Variants in GFI1 observed in about 807,000 individuals in gnomAD.
GFI1 encodes the protein zinc finger protein Gfi-1.
Under a neutral mutation model 39.2 loss-of-function variants are expected in GFI1, and 15 were observed. The observed-to-expected ratio is 0.38, with a 90% confidence interval of 0.26 to 0.59. The LOEUF (loss-of-function observed/expected upper bound fraction) is 0.59. GFI1 is among the 20% of genes least tolerant of loss of function. The probability of loss-of-function intolerance (pLI) is 0.62; values close to 1 mark genes in which losing one functional copy is unlikely to be tolerated. For missense variants in GFI1, 475 were observed against 574.0 expected (o/e 0.83, Z 1.76); for synonymous variants, 239 against 254.3 (o/e 0.94, Z 0.57).
Position 92,476,179 on chromosome 1 carries a change from G to A in GFI1, c.1119C>T (p.Cys373=), listed in dbSNP as rs780643435. Residue 373 remains cysteine (C), a synonymous_variant, in exon 7 of 7, where the codon TGC becomes TGT. Coordinates refer to ENST00000294702, the MANE Select transcript of GFI1 (RefSeq NM_005263.5). ...TGGAGCTCTGGCTGAATGCCTTGCC[G>A]CACACCTGGCACTTGTGAGGCTTCT... ...TGEKPHKCQV[C]GKAFSQSSNL... is the part of the protein sequence containing the mutation. 11 of 1,613,286 alleles carry A rather than the reference G, an allele frequency of 6.8e-6. No homozygotes were observed. The African/African-American group carries it at 8.0e-5, about 12-fold the overall frequency.
rs1283711931 is a variant in GFI1, at chr1:92,473,596, G to A, written c.*2433C>T. 6.6e-6 allele frequency among the ~76,000 whole-genome samples: 1 copy of A among 152,180 alleles called. No homozygotes were observed. The highest frequency in any genetic ancestry group is 1.5e-5 in the Non-Finnish European group (1 of 68,040). ...TGGAAAGACATGGTGCTGGAAATCA[G>A]GTGAGGACAGCCAAGGACTGAGATT... is the stretch of plus-strand genomic sequence containing the variant. On this transcript the variant is annotated 3_prime_UTR_variant, in exon 7 of 7. Transcript: ENST00000294702.
Position 92,482,953 on chromosome 1 carries a change from G to A in GFI1, c.209C>T (p.Ala70Val). 1 of 1,613,806 alleles carries A rather than the reference G, an allele frequency of 6.2e-7. No individual in the cohort carries two copies. The highest frequency in any genetic ancestry group is 8.5e-7 in the Non-Finnish European group (1 of 1,179,838). ...QLTEAPDRAS[A>V]SPDSCEGSVC... ...GCTGCCTTCGCAGCTGTCTGGGGATGCGGAGGCTCTGTCTGGGGCTTCGGT... is the reference window on the plus strand; with the variant it reads ...GCTGCCTTCGCAGCTGTCTGGGGATACGGAGGCTCTGTCTGGGGCTTCGGT... Residue 70 changes from alanine to valine, a missense_variant, in exon 3 of 7, where the codon GCA (alanine) becomes GTA (valine). Coordinates refer to ENST00000294702, the MANE Select transcript of GFI1 (RefSeq NM_005263.5). This position sits in a 1 kb window ranked among gnomAD's most constrained non-coding sequence, Gnocchi z 4.4.
At chr1:92,483,079 T>C in intron 2 of GFI1, 33 bp from the exon 3 acceptor site, 1 of 1,542,796 alleles carries the variant, frequency 6.5e-7, no homozygotes, top group Non-Finnish European at 8.7e-7. Context: ...GGGCTCAGGC[T>C]GGGACCGGTT....
chr1:92,473,673 G>A lies in GFI1; in HGVS notation c.*2356C>T, dbSNP rs1222398982. ...CAAGCCCCCCTTTCCTGCCAACCTGGAGAGAAAGTCGTGTGGATTCTATTT... is the reference window on the plus strand; with the variant it reads ...CAAGCCCCCCTTTCCTGCCAACCTGAAGAGAAAGTCGTGTGGATTCTATTT... On this transcript the variant is annotated 3_prime_UTR_variant, in exon 7 of 7. Coordinates refer to ENST00000294702, the MANE Select transcript of GFI1 (RefSeq NM_005263.5). Among the ~76,000 whole-genome samples the A allele has an allele frequency of 6.6e-6, 1 of 152,150 alleles. No homozygotes were observed. Among genetic ancestry groups the A allele is most frequent in the Non-Finnish European group, 1.5e-5 (1 of 68,022 alleles).
rs1167283163 is a variant in GFI1, at chr1:92,483,432, C to G, written c.56G>C (p.Arg19Pro). ...GAGGGAATAGTCTGGTCCTGGGGAGCGCGGCTGGTGGTAGCTGTGAGCCTT... is the reference window on the plus strand; with the variant it reads ...GAGGGAATAGTCTGGTCCTGGGGAGGGCGGCTGGTGGTAGCTGTGAGCCTT... ...SKKAHSYHQPRSPGPDYSLRL... is the reference protein window; with the variant it reads ...SKKAHSYHQPPSPGPDYSLRL... Residue 19 changes from arginine to proline, a missense_variant, in exon 2 of 7, where the codon CGC becomes CCC. By Grantham distance (103) the Arg-to-Pro change is moderately radical. This residue lies in a region of GFI1 where 275 missense variants were observed against 275.8 expected (regional missense o/e 1.00). Coordinates refer to ENST00000294702, the MANE Select transcript of GFI1 (RefSeq NM_005263.5). 5 of 1,613,492 alleles carry G rather than the reference C, an allele frequency of 3.1e-6. No homozygotes were observed. The highest frequency in any genetic ancestry group is 1.3e-5 in the African/African-American group (1 of 75,026).
chr1:92,485,248 G>A (rs992518435), intron 1 of GFI1, among the ~76,000 whole-genome samples: 1 of 152,176 alleles, frequency 6.6e-6, no homozygotes, highest in Non-Finnish European at 1.5e-5. Context: ...GAGCTTTGTC[G>A]CTTCCTGCAC....
intron 1 of GFI1, among the ~76,000 whole-genome samples, chr1:92,485,639 C>G (rs563559705): frequency 6.6e-6 from 1 of 152,168 alleles, no homozygotes; most frequent in Non-Finnish European, 1.5e-5. Flanking sequence ...GGAGGTGGGG[C>G]GGCCCCTCCG....
chr1:92,481,315 C>T lies in GFI1; in HGVS notation c.299-227G>A, dbSNP rs890389069. ...AACAGTAAACAGATCATTGAAAAGACCTCGGGAGAGGAGGTCGTAAATTCT... is the reference window on the plus strand; with the variant it reads ...AACAGTAAACAGATCATTGAAAAGATCTCGGGAGAGGAGGTCGTAAATTCT... On this transcript the variant is annotated intron_variant, in intron 3 of 6. Transcript: ENST00000294702. The surrounding 1 kb of genome is among the most constrained non-coding windows in gnomAD (Gnocchi z 4.3). Among the ~76,000 whole-genome samples, 3 of 152,234 alleles carry T rather than the reference C, an allele frequency of 2.0e-5. No individual in the cohort carries two copies. Among genetic ancestry groups the T allele is most frequent in the Non-Finnish European group, 4.4e-5 (3 of 68,036 alleles).
rs1021748699 is a variant in GFI1, at chr1:92,482,802, T to TC, written c.298+61dup. On this transcript the variant is annotated intron_variant, in intron 3 of 6. Transcript: ENST00000294702. This position sits in a 1 kb window ranked among gnomAD's most constrained non-coding sequence, Gnocchi z 4.4. ...TTTCTACGCCCAAGGTCGCGCCAAT[T>TC]CCCCCCCAGCACTGCCGGGTCCCTG... 167 of 1,342,016 alleles carry TC rather than the reference T, an allele frequency of 1.2e-4. No homozygotes were observed. The highest frequency in any genetic ancestry group is 7.3e-4 in the South Asian group (62 of 85,072). 83.1% of individuals were successfully genotyped at this position (1,342,016 alleles called of 1,614,324 possible). A position where few individuals can be genotyped will look rare whatever the true frequency, so the allele number is the denominator to read the frequency against.
rs1009107667 is a variant in GFI1 at position 92,483,521 on chromosome 1, A to C, written c.-34T>G. On this transcript the variant is annotated 5_prime_UTR_variant, in exon 2 of 7. Transcript: ENST00000294702. ...GGCACTTTCCCCACTGCGCCCCAAG[A>C]GTCCCTGGAGCCGCTGTCACCCACG... The C allele has an allele frequency of 1.6e-6, 2 of 1,266,536 alleles. No homozygotes were observed. Among genetic ancestry groups the C allele is most frequent in the Admixed American group, 1.8e-5 (1 of 55,112 alleles). The allele number at this position is 1,266,536 out of a possible 1,614,324, so 78.5% of individuals were successfully genotyped here. A position where few individuals can be genotyped will look rare whatever the true frequency, so the allele number is the denominator to read the frequency against.
intron 1 of GFI1, among the ~76,000 whole-genome samples, chr1:92,485,273 A>G (rs949623570): frequency 5.9e-5 from 9 of 152,172 alleles, no homozygotes; most frequent in African/African-American, 2.2e-4. Flanking sequence ...CGTCCGTACA[A>G]TTAGACGCCA....
chr1:92,483,749 A>G, intron 1 of GFI1, 163 bp from the exon 2 acceptor site: 1 of 508,066 alleles, frequency 2.0e-6, no homozygotes, highest in Admixed American at 3.2e-5. Context: ...TGGCACTTGG[A>G]CAGGTGGCGC....
rs1009107667 is a variant in GFI1 at position 92,483,521 on chromosome 1, A to G, written c.-34T>C. 1 of 1,266,536 alleles carries G rather than the reference A, an allele frequency of 7.9e-7. No homozygotes were observed. The highest frequency in any genetic ancestry group is 1.5e-5 in the African/African-American group (1 of 67,966). 78.5% of individuals were successfully genotyped at this position (1,266,536 alleles called of 1,614,324 possible). A position where few individuals can be genotyped will look rare whatever the true frequency, so the allele number is the denominator to read the frequency against. On this transcript the variant is annotated 5_prime_UTR_variant, in exon 2 of 7. Transcript: ENST00000294702. ...GGCACTTTCCCCACTGCGCCCCAAG[A>G]GTCCCTGGAGCCGCTGTCACCCACG...
chr1:92,485,409 C>A (rs577329173), intron 1 of GFI1, among the ~76,000 whole-genome samples: 38 of 152,282 alleles, frequency 2.5e-4, no homozygotes, highest in African/African-American at 8.9e-4. Context: ...CAGATGGGGG[C>A]GGGGTAACTG....
chr1:92,486,531 C>CT (rs1193231236), intron 1 of GFI1, among the ~76,000 whole-genome samples, 195 bp downstream of exon 1: 1 of 147,270 alleles, frequency 6.8e-6, no homozygotes, highest in African/African-American at 2.5e-5. Flanking sequence ...CCGCCCCCCC[C>CT]ACCCCCGACC....
chr1:92,478,811 C>T, intron 5 of GFI1, 58 bp from the exon 6 acceptor site: 1 of 1,557,640 alleles, frequency 6.4e-7, no homozygotes, highest in Non-Finnish European at 8.8e-7. Context: ...ACTCCTACTG[C>T]AGTCAACTAG....
rs535439911 is a variant in GFI1, at chr1:92,485,243, T to C, written c.-100+1483A>G. 3.9e-5 allele frequency among the ~76,000 whole-genome samples: 6 copies of C among 152,280 alleles called. No homozygotes were observed. In the South Asian group the frequency reaches 1.0e-3, roughly 26 times the overall value. On this transcript the variant is annotated intron_variant, in intron 1 of 6. Coordinates refer to ENST00000294702, the MANE Select transcript of GFI1 (RefSeq NM_005263.5). ...CGGGGTGGCTCCTAGGGCTAGAGCTTTGTCGCTTCCTGCACTTCTCGTCCG... is the reference window on the plus strand; with the variant it reads ...CGGGGTGGCTCCTAGGGCTAGAGCTCTGTCGCTTCCTGCACTTCTCGTCCG...
intron 1 of GFI1, among the ~76,000 whole-genome samples, chr1:92,486,326 G>C (rs1359855522): frequency 1.3e-5 from 2 of 152,324 alleles, no homozygotes; most frequent in East Asian, 3.9e-4. Context: ...CTGTGGGTCG[G>C]CAGGGGATGG....
intron 6 of GFI1, among the ~76,000 whole-genome samples, chr1:92,477,191 A>T (rs1327816554): frequency 6.6e-6 from 1 of 152,228 alleles, no homozygotes; most frequent in Admixed American, 6.5e-5. Flanking sequence ...ATCAAAATGT[A>T]TTCTATCCCT....
Sources: gnomAD v4.1 joint callset for allele counts (sites outside exome capture counted in the v4.1 genomes callset) on GRCh38, gnomAD v4.1.1 for gene constraint, gnomAD v4.1.1 regional missense constraint, Gnocchi (gnomAD v3.1) non-coding constraint, MANE v1.5 for transcripts, NCBI Gene and HGNC (gene_info 2026-07-23, HGNC 2026-07-21) for gene names.